Variants in ZNF354C observed in about 807,000 individuals in gnomAD.
ZNF354C encodes the protein zinc finger protein 354C.
Under a neutral mutation model 12.4 loss-of-function variants are expected in ZNF354C, and 7 were observed. The observed-to-expected ratio is 0.56, with a 90% confidence interval of 0.32 to 1.06. ZNF354C has a LOEUF of 1.06. ZNF354C is among the 50% of genes least tolerant of loss of function. ZNF354C has a pLI of 0.04. For missense variants in ZNF354C, 609 were observed against 658.0 expected, an observed-to-expected ratio of 0.93 and a Z score of 0.81; for synonymous variants, 202 against 224.5, an observed-to-expected ratio of 0.90 and a Z score of 0.90.
rs1262637501 is a variant in ZNF354C at position 179,083,472 on chromosome 5, C to CATT, written c.*3376_*3378dup. 1 of 151,960 alleles carries CATT rather than the reference C, an allele frequency of 6.6e-6. No individual in the cohort carries two copies. The highest frequency in any genetic ancestry group is 2.4e-5 in the African/African-American group (1 of 41,330). 9.4% of individuals were successfully genotyped at this position (151,960 alleles called of 1,614,324 possible). On this transcript the variant is annotated 3_prime_UTR_variant, in exon 5 of 5. Coordinates refer to ENST00000315475, the MANE Select transcript of ZNF354C (RefSeq NM_014594.3). ...CTATATGTGGTGGATGTTCATTGGT[C>CATT]ATTTAAAACATTTTTCTATGTGTGT...
chr5:179,082,740 C>G lies in ZNF354C; in HGVS notation c.*2643C>G. 1 of 1,497,062 alleles carries G rather than the reference C, an allele frequency of 6.7e-7. No homozygotes were observed. The highest frequency in any genetic ancestry group is 9.3e-7 in the Non-Finnish European group (1 of 1,075,542). 92.7% of individuals were successfully genotyped at this position (1,497,062 alleles called of 1,614,324 possible). A position where few individuals can be genotyped will look rare whatever the true frequency, so the allele number is the denominator to read the frequency against. On this transcript the variant is annotated 3_prime_UTR_variant, in exon 5 of 5. Transcript: ENST00000315475. The stretch of plus-strand genomic sequence containing the variant: ...AAACCCCATTGAGTTATCTGGTCCC[C>G]TTGGCTGACGAAGAGCCATTAGGCG...
Position 179,080,190 on chromosome 5 carries a change from T to A in ZNF354C, c.*93T>A. ...CTAATAGATTTGTCTTTTTTACTTC[T>A]CCTGAAGGAAATATGTTAGTTGCCA... On this transcript the variant is annotated 3_prime_UTR_variant, in exon 5 of 5. Transcript: ENST00000315475. 1 of 955,178 alleles carries A rather than the reference T, an allele frequency of 1.0e-6. No homozygotes were observed. The highest frequency in any genetic ancestry group is 2.0e-5 in the South Asian group (1 of 49,876). 59.2% of individuals were successfully genotyped at this position (955,178 alleles called of 1,614,324 possible).
In ZNF354C at chr5:179,082,779, T is replaced by G. The variant is rs1561753864; in HGVS notation, c.*2682T>G. 7.4e-7 allele frequency: 1 copy of G among 1,345,752 alleles called. No homozygotes were observed. Among genetic ancestry groups the G allele is most frequent in the East Asian group, 2.3e-5 (1 of 43,414 alleles). 83.4% of individuals were successfully genotyped at this position (1,345,752 alleles called of 1,614,324 possible). ...AGCCATTAGGCGAGGATCACTGGCATCATCCAGGGTGATGTTCTTCAAGCG... is the reference window on the plus strand; with the variant it reads ...AGCCATTAGGCGAGGATCACTGGCAGCATCCAGGGTGATGTTCTTCAAGCG... On this transcript the variant is annotated 3_prime_UTR_variant, in exon 5 of 5. Transcript: ENST00000315475.
At position 179,074,084 on chromosome 5, in the gene ZNF354C, G is replaced by A. The variant is rs181590579; in HGVS notation, c.28-2361G>A. 4.1e-3 allele frequency among the ~76,000 whole-genome samples: 618 copies of A among 151,938 alleles called. 7 individuals are homozygous for A. The highest frequency in any genetic ancestry group is 0.014 in the African/African-American group (594 of 41,410). ...CTGCAACCTCTACCTCCCGGTTCAA[G>A]TGATTCTCCTGCCTCAGCCTCCCGA... is the stretch of plus-strand genomic sequence containing the variant. On this transcript the variant is annotated intron_variant, in intron 2 of 4. Coordinates refer to ENST00000315475, the MANE Select transcript of ZNF354C (RefSeq NM_014594.3).
chr5:179,076,373 T>G, intron 2 of ZNF354C, 72 bp from the exon 3 acceptor site: 1 of 1,602,494 alleles, frequency 6.2e-7, no homozygotes, highest in Non-Finnish European at 8.5e-7. Context: ...TACATCCCAC[T>G]GTCACTTTCT....
At chr5:179,062,649 G>C (rs1282946564) in intron 2 of ZNF354C, among the ~76,000 whole-genome samples, 1 of 152,172 alleles carries the variant, frequency 6.6e-6, no homozygotes, top group African/African-American at 2.4e-5. Flanking sequence ...GACTGATATT[G>C]GTGCTTAGAG....
In ZNF354C at chr5:179,079,696, A is replaced by G. The variant is rs748483456; in HGVS notation, c.1264A>G (p.Asn422Asp). 1.4e-5 allele frequency: 23 copies of G among 1,614,096 alleles called. No homozygotes were observed. The highest frequency in any genetic ancestry group is 1.9e-5 in the Non-Finnish European group (22 of 1,180,048). Residue 422 changes from asparagine to aspartate, a missense_variant, in exon 5 of 5, where the codon AAC becomes GAC. Transcript: ENST00000315475. The surrounding 1 kb of genome is among the most constrained non-coding windows in gnomAD (Gnocchi z 4.2). ...YQCNECEKAF[N>D]QYSSFNEHRK... ...GTGCAACGAATGTGAGAAAGCCTTC[A>G]ACCAGTATTCATCCTTTAATGAACA...
chr5:179,073,717 G>A (rs1228453987), intron 2 of ZNF354C, among the ~76,000 whole-genome samples: 2 of 152,176 alleles, frequency 1.3e-5, no homozygotes. Context: ...CTGGAGTGAA[G>A]TGGTGTGATC....
intron 2 of ZNF354C, among the ~76,000 whole-genome samples, chr5:179,071,767 C>T (rs1762056418): frequency 6.6e-6 from 1 of 152,146 alleles, no homozygotes; most frequent in Non-Finnish European, 1.5e-5. Flanking sequence ...AGGAGAGAGG[C>T]AGAGAAGGGA....
rs751582585 is a variant in ZNF354C at position 179,077,111 on chromosome 5, G to C, written c.195G>C (p.Gln65His). ...FSMPKLIHQL[Q>H]QGEDPCMVER... is the part of the protein sequence containing the mutation. The stretch of plus-strand genomic sequence containing the variant: ...TGCCAAAGTTGATTCATCAGTTGCA[G>C]CAAGGAGAAGATCCCTGCATGGTGG... Residue 65 changes from glutamine to histidine, a missense_variant, in exon 4 of 5, where the codon CAG becomes CAC. Transcript: ENST00000315475. The C allele has an allele frequency of 1.6e-5, 26 of 1,614,088 alleles. No individual in the cohort carries two copies. Among genetic ancestry groups the C allele is most frequent in the Non-Finnish European group, 1.8e-5 (21 of 1,180,048 alleles).
In ZNF354C at chr5:179,079,903, A is replaced by G. The variant is rs199640408; in HGVS notation, c.1471A>G (p.Thr491Ala). The G allele has an allele frequency of 3.7e-6, 6 of 1,613,982 alleles. No homozygotes were observed. Among genetic ancestry groups the G allele is most frequent in the Middle Eastern group, 1.6e-4 (1 of 6,062 alleles). The change falls in exon 5 of 5, where the codon ACT becomes GCT. Residue 491 changes from threonine (T) to alanine (A), a missense_variant. Transcript: ENST00000315475. This position sits in a 1 kb window ranked among gnomAD's most constrained non-coding sequence, Gnocchi z 4.2. ...TTTAACCGAACATGAGAGGATCCAC[A>G]CTGGAGAGAAACTGTATAAATGTAT... is the stretch of plus-strand genomic sequence containing the variant. The part of the protein sequence containing the change: ...SFLTEHERIH[T>A]GEKLYKCMEC...
chr5:179,074,416 C>T (rs1762087882), intron 2 of ZNF354C, among the ~76,000 whole-genome samples: 1 of 152,076 alleles, frequency 6.6e-6, no homozygotes, highest in Non-Finnish European at 1.5e-5. Context: ...GCGTGAGCCA[C>T]CACACCCGGC....
At position 179,080,186 on chromosome 5, in the gene ZNF354C, C is replaced by T; in HGVS notation, c.*89C>T. 9.9e-7 allele frequency: 1 copy of T among 1,013,530 alleles called. No individual in the cohort carries two copies. Among genetic ancestry groups the T allele is most frequent in the Non-Finnish European group, 1.4e-6 (1 of 705,696 alleles). The allele number at this position is 1,013,530 out of a possible 1,614,324, so 62.8% of individuals were successfully genotyped here. A position where few individuals can be genotyped will look rare whatever the true frequency, so the allele number is the denominator to read the frequency against. On this transcript the variant is annotated 3_prime_UTR_variant, in exon 5 of 5. Coordinates refer to ENST00000315475, the MANE Select transcript of ZNF354C (RefSeq NM_014594.3). ...ACTCCTAATAGATTTGTCTTTTTTA[C>T]TTCTCCTGAAGGAAATATGTTAGTT...
At chr5:179,066,676 C>T (rs1485368499) in intron 2 of ZNF354C, among the ~76,000 whole-genome samples, 1 of 152,130 alleles carries the variant, frequency 6.6e-6, no homozygotes, top group Non-Finnish European at 1.5e-5. Context: ...TTGTTTCACT[C>T]TCTTCTTGTT....
Position 179,078,989 on chromosome 5 carries a change from T to C in ZNF354C, c.557T>C (p.Ile186Thr). Residue 186 changes from isoleucine to threonine, a missense_variant, in exon 5 of 5, where the codon ATA (isoleucine) becomes ACA (threonine). By Grantham distance (89) the Ile-to-Thr change is moderately conservative (BLOSUM62 -1). Transcript: ENST00000315475. Reference sequence around the variant, plus strand: ...CAACAGAGTGTTCCTATAGAAAGGATACCCAATATGTATTATACATTTGGG... The same window carrying C: ...CAACAGAGTGTTCCTATAGAAAGGACACCCAATATGTATTATACATTTGGG... ...VTQQSVPIER[I>T]PNMYYTFGKD... The C allele has an allele frequency of 6.2e-7, 1 of 1,613,618 alleles. No individual in the cohort carries two copies. The highest frequency in any genetic ancestry group is 8.5e-7 in the Non-Finnish European group (1 of 1,179,920).
rs77411810 is a variant in ZNF354C at position 179,068,975 on chromosome 5, G to A, written c.27+6880G>A. ...TCTCCCCTTCTTAGAAGCACATGCC[G>A]GTATTAGATTAGGATCCAGCCTAAA... is the stretch of plus-strand genomic sequence containing the variant. On this transcript the variant is annotated intron_variant, in intron 2 of 4. Transcript: ENST00000315475. Among the ~76,000 whole-genome samples the A allele has an allele frequency of 8.5e-3, 1,297 of 152,230 alleles. 69 individuals carry two copies. In the East Asian group the frequency reaches 0.17, roughly 20 times the overall value.
chr5:179,082,680 A>G lies in ZNF354C; in HGVS notation c.*2583A>G. The G allele has an allele frequency of 1.9e-6, 3 of 1,592,372 alleles. No individual in the cohort carries two copies. The highest frequency in any genetic ancestry group is 1.1e-5 in the South Asian group (1 of 90,484). On this transcript the variant is annotated 3_prime_UTR_variant, in exon 5 of 5. Coordinates refer to ENST00000315475, the MANE Select transcript of ZNF354C (RefSeq NM_014594.3). Reference sequence around the variant, plus strand: ...CGTGCTTTGTGGATGTGGTTAGTCAATGACACCAGCTTGACGGATCTTTCT... The same window carrying G: ...CGTGCTTTGTGGATGTGGTTAGTCAGTGACACCAGCTTGACGGATCTTTCT...
At chr5:179,076,719 G>A (rs1408468731) in intron 3 of ZNF354C, 148 bp downstream of exon 3, 4 of 1,045,874 alleles carry the variant, frequency 3.8e-6, no homozygotes, top group African/African-American at 1.6e-5. Flanking sequence ...TCTTTGTTGT[G>A]ATGCCCTTCT....
chr5:179,079,799 A>G lies in ZNF354C; in HGVS notation c.1367A>G (p.Tyr456Cys). ...GCCTTTGGTTGCAAATCTAACCTTT[A>G]TAGGCATCAGAGAATTCATACTGGA... ...GKAFGCKSNL[Y>C]RHQRIHTGEK... The change falls in exon 5 of 5, where the codon TAT (tyrosine) becomes TGT (cysteine). Residue 456 changes from tyrosine (Y) to cysteine (C), a missense_variant. By Grantham distance (194) the Tyr-to-Cys change is radical. Transcript: ENST00000315475. This position sits in a 1 kb window ranked among gnomAD's most constrained non-coding sequence, Gnocchi z 4.2. 2 of 1,613,252 alleles carry G rather than the reference A, an allele frequency of 1.2e-6. No individual in the cohort carries two copies. The highest frequency in any genetic ancestry group is 2.2e-5 in the East Asian group (1 of 44,756).
Sources: allele counts gnomAD v4.1 joint callset (sites outside exome capture counted in the v4.1 genomes callset), GRCh38; gene constraint gnomAD v4.1.1; non-coding constraint Gnocchi (gnomAD v3.1); transcripts MANE v1.5; gene names NCBI Gene and HGNC (gene_info 2026-07-23, HGNC 2026-07-21).